Variants in LCN12 observed in about 807,000 individuals in gnomAD.
LCN12 encodes the protein lipocalin 12, also known as epididymal-specific lipocalin-12.
In LCN12, 15 loss-of-function variants were observed where a neutral mutation model predicts 23.7. The observed-to-expected ratio is 0.63, with a 90% CI of 0.42 to 0.97. The LOEUF (loss-of-function observed/expected upper bound fraction) is 0.97. Ranked by LOEUF, LCN12 falls within the 50% of genes least tolerant of loss-of-function variation. LCN12 has a pLI of 0.00. For missense variants in LCN12, 219 were observed against 249.6 expected (o/e 0.88, Z 0.83); for synonymous variants, 116 against 111.5 (o/e 1.04, Z -0.25).
At chr9:136,954,823 C>A (rs902473037) in intron 5 of LCN12, 8 of 1,280,514 alleles carry the variant, frequency 6.2e-6, no homozygotes, top group Non-Finnish European at 8.1e-6. Flanking sequence ...TGTGGGAGGG[C>A]GAGGTCAGCC....
Position 136,952,570 on chromosome 9 carries a change from C to T in LCN12, c.114+129C>T, listed in dbSNP as rs983683965. 28 of 711,640 alleles carry T rather than the reference C, an allele frequency of 3.9e-5. 1 individual carries two copies. The highest frequency in any genetic ancestry group is 1.4e-4 in the East Asian group (5 of 37,004). The allele number at this position is 711,640 out of a possible 1,614,324, so 44.1% of individuals were successfully genotyped here. Reference sequence around the variant, plus strand: ...AGCCGTGCTTCCAGGAGCCCCCAGGCGGGCCCCTGACCTCCAGCAGAGGAG... The same window carrying T: ...AGCCGTGCTTCCAGGAGCCCCCAGGTGGGCCCCTGACCTCCAGCAGAGGAG... On this transcript the variant is annotated intron_variant, in intron 1 of 5. Coordinates refer to ENST00000371633, the MANE Select transcript of LCN12 (RefSeq NM_178536.4).
At chr9:136,953,580 G>T (rs115723985) in intron 2 of LCN12, 120 bp from the exon 3 acceptor site, 2 of 668,036 alleles carry the variant, frequency 3.0e-6, no homozygotes, top group Non-Finnish European at 5.1e-6. Context: ...CACTCATGAC[G>T]CTTGGCCACT....
At position 136,952,994 on chromosome 9, in the gene LCN12, G is replaced by A. The variant is rs202016554; in HGVS notation, c.217G>A (p.Asp73Asn). Residue 73 changes from aspartate to asparagine, a missense_variant, in exon 2 of 6, where the codon GAT (aspartate) becomes AAT (asparagine). Transcript: ENST00000371633. The stretch of plus-strand genomic sequence containing the variant: ...CACCGCAACTTTTGAGCTAAGTGAT[G>A]ATGGCCGCTTTGAGGTGTGGAATGC... Reference protein sequence around the residue: ...AFTATFELSDDGRFEVWNAMT... With the variant: ...AFTATFELSDNGRFEVWNAMT... 960 of 1,613,966 alleles carry A rather than the reference G, an allele frequency of 5.9e-4. 2 individuals carry two copies. The highest frequency in any genetic ancestry group is 7.9e-4 in the Non-Finnish European group (928 of 1,179,992).
At chr9:136,954,066 G>C in intron 4 of LCN12, 88 bp from the exon 5 acceptor site, 1 of 1,532,624 alleles carries the variant, frequency 6.5e-7, no homozygotes, top group South Asian at 1.3e-5. Flanking sequence ...GGAGTGACTT[G>C]GGGGTACAGA....
intron 2 of LCN12, among the ~76,000 whole-genome samples, chr9:136,953,277 TCCGGGGC>T (rs1420339136): frequency 1.4e-4 from 21 of 151,958 alleles, no homozygotes; most frequent in East Asian, 3.9e-4. Context: ...TCCCAGCACT[TCCGGGGC>T]TGGGCGCGCT....
intron 4 of LCN12, 71 bp from the exon 5 acceptor site, chr9:136,954,083 A>C: frequency 6.6e-7 from 1 of 1,517,832 alleles, no homozygotes; most frequent in Non-Finnish European, 8.9e-7. Flanking sequence ...CAGATAGTTC[A>C]ATCTCCCACC....
downstream of LCN12, among the ~76,000 whole-genome samples, chr9:136,956,253 TAGAGAGTAA>T (rs1409975177): frequency 1.3e-5 from 2 of 152,204 alleles, no homozygotes; most frequent in East Asian, 3.9e-4. Context: ...CTGGCCTTGC[TAGAGAGTAA>T]AGAGCATCCA....
chr9:136,954,116 C>A, intron 4 of LCN12, 38 bp from the exon 5 acceptor site: 1 of 1,522,502 alleles, frequency 6.6e-7, no homozygotes, highest in South Asian at 1.3e-5. Context: ...AACCCCCTGC[C>A]AAGTGCACAG....
downstream of LCN12, chr9:136,955,641 C>CT (rs1851305539): frequency 2.0e-5 from 10 of 510,270 alleles, no homozygotes; most frequent in Non-Finnish European, 2.8e-5. Flanking sequence ...GTGTGTGACT[C>CT]TGTCAGTGAG....
intron 2 of LCN12, 142 bp downstream of exon 2, chr9:136,953,170 T>C: frequency 5.1e-6 from 6 of 1,169,764 alleles, no homozygotes; most frequent in Non-Finnish European, 7.2e-6. Context: ...CAAACCCAGC[T>C]GGGGAGTATA....
At chr9:136,953,175 A>C in intron 2 of LCN12, 147 bp downstream of exon 2, 1 of 1,140,178 alleles carries the variant, frequency 8.8e-7, no homozygotes, top group Non-Finnish European at 1.2e-6. Flanking sequence ...CCAGCTGGGG[A>C]GTATACAAAA....
Position 136,953,895 on chromosome 9 carries a change from A to G in LCN12, c.379A>G (p.Thr127Ala). The G allele has an allele frequency of 6.2e-7, 1 of 1,610,542 alleles. No individual in the cohort carries two copies. The highest frequency in any genetic ancestry group is 8.5e-7 in the Non-Finnish European group (1 of 1,179,124). ...GACCCGGGTGGTGGACAGCGACTAC[A>G]CCCAGTTCGCCCTGATGCTGTCCCG... is the stretch of plus-strand genomic sequence containing the variant. The part of the protein sequence containing the change: ...EETRVVDSDY[T>A]QFALMLSRRH... Residue 127 changes from threonine (T) to alanine (A), a missense_variant, in exon 4 of 6, where the codon ACC (threonine) becomes GCC (alanine). By Grantham distance (58) the Thr-to-Ala change is moderately conservative. Coordinates refer to ENST00000371633, the MANE Select transcript of LCN12 (RefSeq NM_178536.4).
intron 5 of LCN12, chr9:136,955,101 A>G (rs1851292554): frequency 1.4e-6 from 2 of 1,414,902 alleles, no homozygotes; most frequent in African/African-American, 1.4e-5. Flanking sequence ...CTGGGTCTGC[A>G]GTGAGTCTGG....
At chr9:136,949,358 G>A (rs986001700), upstream of LCN12, among the ~76,000 whole-genome samples, 32 of 152,376 alleles carry the variant, frequency 2.1e-4, no homozygotes, top group African/African-American at 6.3e-4. Context: ...ACGTGAGAGT[G>A]CTGTGTGGGG....
At chr9:136,950,761 G>A (rs1229950563), upstream of LCN12, among the ~76,000 whole-genome samples, 1 of 152,198 alleles carries the variant, frequency 6.6e-6, no homozygotes. Context: ...CGCTAGCGTT[G>A]TGCTGGTGAG....
chr9:136,953,916 T>C lies in LCN12; in HGVS notation c.400T>C (p.Ser134Pro). 1 of 1,611,810 alleles carries C rather than the reference T, an allele frequency of 6.2e-7. No homozygotes were observed. The highest frequency in any genetic ancestry group is 8.5e-7 in the Non-Finnish European group (1 of 1,179,752). The change falls in exon 4 of 6, where the codon TCC (serine) becomes CCC (proline). Residue 134 changes from serine to proline, a missense_variant. Coordinates refer to ENST00000371633, the MANE Select transcript of LCN12 (RefSeq NM_178536.4). Reference protein sequence around the residue: ...SDYTQFALMLSRRHTSRLAVL... With the variant: ...SDYTQFALMLPRRHTSRLAVL... ...CTACACCCAGTTCGCCCTGATGCTGTCCCGCAGACACACGAGCAGGCTGGC... is the reference window on the plus strand; with the variant it reads ...CTACACCCAGTTCGCCCTGATGCTGCCCCGCAGACACACGAGCAGGCTGGC...
chr9:136,953,341 T>C (rs113708303), intron 2 of LCN12: 1 of 437,848 alleles, frequency 2.3e-6, no homozygotes, highest in South Asian at 2.3e-5. Context: ...GCGCGCTGGC[T>C]CACACCTGTA....
At position 136,954,157 on chromosome 9, in the gene LCN12, G is replaced by A; in HGVS notation, c.452G>A (p.Arg151Lys). The A allele has an allele frequency of 6.4e-7, 1 of 1,554,622 alleles. No homozygotes were observed. The highest frequency in any genetic ancestry group is 1.9e-5 in the Admixed American group (1 of 52,606). ...LAVLRISLLG[R>K]SWLLPPGTLD... ...TGCTGGGCTCCCTGGGCTGCAGGCA[G>A]GAGCTGGTTGCTGCCTCCCGGGACG... Residue 151 changes from arginine (R) to lysine (K), a missense_variant, in exon 5 of 6, where the codon AGG (arginine) becomes AAG (lysine). Transcript: ENST00000371633.
upstream of LCN12, among the ~76,000 whole-genome samples, chr9:136,950,501 G>A (rs4880078): frequency 0.49 from 74,540 of 152,002 alleles, 19,050 homozygotes; most frequent in East Asian, 0.83. Context: ...TGCATGGGCG[G>A]GGTCCGTAGC....
Sources: gnomAD v4.1 joint callset for allele counts (sites outside exome capture counted in the v4.1 genomes callset) on GRCh38, gnomAD v4.1.1 for gene constraint, MANE v1.5 for transcripts, NCBI Gene and HGNC (gene_info 2026-07-23, HGNC 2026-07-21) for gene names.